BACH1: variants seen among roughly 807,000 people sequenced by gnomAD.
BACH1 encodes the protein transcription regulator protein BACH1.
In BACH1, 35 loss-of-function variants were observed where a neutral mutation model predicts 52.9. That is an observed-to-expected ratio of 0.66 (90% CI 0.51 to 0.88). The LOEUF (loss-of-function observed/expected upper bound fraction) is 0.88. BACH1 is among the 40% of genes least tolerant of loss of function. The pLI is 0.00. For missense variants in BACH1, 808 were observed against 872.6 expected, an observed-to-expected ratio of 0.93 and a Z score of 0.93; for synonymous variants, 321 against 319.6, an observed-to-expected ratio of 1.00 and a Z score of -0.05.
chr21:29,342,944 T>A lies in BACH1; in HGVS notation c.*111T>A. 1.9e-6 allele frequency: 2 copies of A among 1,073,090 alleles called. No homozygotes were observed. The highest frequency in any genetic ancestry group is 2.6e-6 in the Non-Finnish European group (2 of 775,700). The allele number at this position is 1,073,090 out of a possible 1,614,324, so 66.5% of individuals were successfully genotyped here. A position where few individuals can be genotyped will look rare whatever the true frequency, so the allele number is the denominator to read the frequency against. On this transcript the variant is annotated 3_prime_UTR_variant, in exon 5 of 5. Transcript: ENST00000286800. ...CAACAATACTGTTTTTTTCCTTTAG[T>A]AGTTTACCATAAGGGAATTTCCTTT...
rs751460658 is a variant in BACH1 at position 29,342,645 on chromosome 21, C to T, written c.2023C>T (p.Arg675Trp). 3.3e-5 allele frequency: 54 copies of T among 1,614,014 alleles called. 1 individual carries two copies. Among genetic ancestry groups the T allele is most frequent in the Admixed American group, 8.3e-5 (5 of 59,998 alleles). The change falls in exon 5 of 5, where the codon CGG becomes TGG. Residue 675 changes from arginine (R) to tryptophan (W), a missense_variant. Coordinates refer to ENST00000286800, the MANE Select transcript of BACH1 (RefSeq NM_001186.4). ...ALPSIFSLSDRPPAVLPPCAR... is the reference protein window; with the variant it reads ...ALPSIFSLSDWPPAVLPPCAR... ...ACCATCAATTTTCAGTTTATCTGAC[C>T]GGCCTCCAGCAGTGCTGCCTCCCTG...
chr21:29,319,527 A>G (rs150363212), intron 1 of BACH1, among the ~76,000 whole-genome samples: 3 of 151,946 alleles, frequency 2.0e-5, no homozygotes, highest in African/African-American at 7.2e-5. Context: ...GGAGACAGGG[A>G]CATACCAGAA....
At chr21:29,322,545 T>TG (rs575317006) in intron 2 of BACH1, among the ~76,000 whole-genome samples, 144 of 152,324 alleles carry the variant, frequency 9.5e-4, no homozygotes, top group African/African-American at 3.3e-3. Flanking sequence ...CATCCCTTGC[T>TG]TTAGTTAGTA....
At chr21:29,310,417 A>T (rs2088707296) in intron 1 of BACH1, among the ~76,000 whole-genome samples, 1 of 152,226 alleles carries the variant, frequency 6.6e-6, no homozygotes, top group Non-Finnish European at 1.5e-5. Context: ...GGTGATGGTG[A>T]TGAGGGTGGC....
At chr21:29,322,071 C>G (rs1360201800) in intron 2 of BACH1, among the ~76,000 whole-genome samples, 3 of 152,092 alleles carry the variant, frequency 2.0e-5, no homozygotes, top group Admixed American at 6.5e-5. Context: ...GTGAAGCTCC[C>G]CCTTATAAAA....
At chr21:29,318,979 T>TA (rs796134245) in intron 1 of BACH1, among the ~76,000 whole-genome samples, 13 of 152,098 alleles carry the variant, frequency 8.5e-5, no homozygotes, top group South Asian at 2.1e-4. Flanking sequence ...ATGGAGTAGT[T>TA]AAAAAAAATG....
intron 4 of BACH1, among the ~76,000 whole-genome samples, chr21:29,338,881 A>C (rs2089076995): frequency 6.7e-6 from 1 of 150,094 alleles, no homozygotes; most frequent in Admixed American, 6.6e-5. Flanking sequence ...TTTTATGTCT[A>C]CTCTTATTAT....
At chr21:29,358,150 G>A (rs2089246324) in intron 2 of BACH1, among the ~76,000 whole-genome samples, 1 of 152,232 alleles carries the variant, frequency 6.6e-6, no homozygotes, top group Non-Finnish European at 1.5e-5. Context: ...GGGTGGGGCA[G>A]GAAGGGCACA....
intron 4 of BACH1, among the ~76,000 whole-genome samples, chr21:29,331,110 T>C (rs767113657): frequency 2.0e-5 from 3 of 152,198 alleles, no homozygotes; most frequent in Non-Finnish European, 4.4e-5. Flanking sequence ...TTCTTTCTTA[T>C]TCAGTTTTGA....
At chr21:29,337,947 A>G (rs924750402) in intron 4 of BACH1, among the ~76,000 whole-genome samples, 1 of 152,074 alleles carries the variant, frequency 6.6e-6, no homozygotes, top group Non-Finnish European at 1.5e-5. Context: ...AAACAAAAAC[A>G]AAAACAAAAA....
intron 1 of BACH1, among the ~76,000 whole-genome samples, chr21:29,313,400 G>A (rs2088750329): frequency 6.6e-6 from 1 of 152,214 alleles, no homozygotes; most frequent in African/African-American, 2.4e-5. Flanking sequence ...TAAAAAGTTA[G>A]GCATGTGCCT....
At chr21:29,329,719 AT>A in intron 4 of BACH1, 26 bp downstream of exon 4, 1 of 1,442,962 alleles carries the variant, frequency 6.9e-7, no homozygotes, top group South Asian at 1.5e-5. Flanking sequence ...TCTTGTTACT[AT>A]TTAAATTCCA....
Position 29,343,892 on chromosome 21 carries a change from G to T in BACH1, c.*1059G>T, listed in dbSNP as rs1019417447. On this transcript the variant is annotated 3_prime_UTR_variant, in exon 5 of 5. Transcript: ENST00000286800. The stretch of plus-strand genomic sequence containing the variant: ...AAATGTATCTGCAGCAACTCTGCAG[G>T]TTTGTGAAATAGGATGAAACTCAAT... 7.9e-5 allele frequency: 12 copies of T among 152,204 alleles called. No individual in the cohort carries two copies. The highest frequency in any genetic ancestry group is 5.9e-4 in the Admixed American group (9 of 15,278). The allele number at this position is 152,204 out of a possible 1,614,324, so 9.4% of individuals were successfully genotyped here. A position where few individuals can be genotyped will look rare whatever the true frequency, so the allele number is the denominator to read the frequency against.
chr21:29,346,947 GAGA>G (rs1324948302), downstream of BACH1, among the ~76,000 whole-genome samples: 1 of 152,186 alleles, frequency 6.6e-6, no homozygotes, highest in Admixed American at 6.5e-5. Context: ...CAGTGAGAGG[GAGA>G]AGGAGGAAGG....
chr21:29,312,287 G>GC, intron 1 of BACH1, among the ~76,000 whole-genome samples: 1 of 152,004 alleles, frequency 6.6e-6, no homozygotes, highest in Admixed American at 6.5e-5. Context: ...AGTAACAATT[G>GC]CACCCGCCTC....
chr21:29,312,031 G>A (rs1022992216), intron 1 of BACH1, among the ~76,000 whole-genome samples: 17 of 152,302 alleles, frequency 1.1e-4, no homozygotes, highest in African/African-American at 3.6e-4. Flanking sequence ...CTAGAGCAGC[G>A]CTAGCTGCTG....
chr21:29,346,165 A>G (rs1238192027), downstream of BACH1: 1 of 152,062 alleles, frequency 6.6e-6, no homozygotes, highest in Non-Finnish European at 1.5e-5. Flanking sequence ...TGTACATTCC[A>G]TTTTCATTTT....
intron 2 of BACH1, among the ~76,000 whole-genome samples, chr21:29,357,550 C>T (rs1301853066): frequency 3.3e-5 from 5 of 152,188 alleles, no homozygotes; most frequent in African/African-American, 1.2e-4. Context: ...ATGCCATTTA[C>T]ATCATGAGTA....
Position 29,345,072 on chromosome 21 carries a change from A to G in BACH1, c.*2239A>G, listed in dbSNP as rs188406303. ...GGCCAAGTGTAATTTCTTAAAATTTAGCATTACTTTAAATAGCCAGCATGT... is the reference window on the plus strand; with the variant it reads ...GGCCAAGTGTAATTTCTTAAAATTTGGCATTACTTTAAATAGCCAGCATGT... On this transcript the variant is annotated 3_prime_UTR_variant, in exon 5 of 5. Coordinates refer to ENST00000286800, the MANE Select transcript of BACH1 (RefSeq NM_001186.4). 1.8e-3 allele frequency: 272 copies of G among 152,764 alleles called. 1 individual carries two copies. Among genetic ancestry groups the G allele is most frequent in the African/African-American group, 6.1e-3 (253 of 41,570 alleles). 9.5% of individuals were successfully genotyped at this position (152,764 alleles called of 1,614,324 possible).
Sources: allele counts gnomAD v4.1 joint callset (sites outside exome capture counted in the v4.1 genomes callset), GRCh38; gene constraint gnomAD v4.1.1; transcripts MANE v1.5; gene names NCBI Gene and HGNC (gene_info 2026-07-23, HGNC 2026-07-21).